The following FRMPD4 variants were observed in gnomAD, a reference collection of about 807,000 sequenced individuals.
The protein encoded by FRMPD4 is FERM and PDZ domain-containing protein 4.
Under a neutral mutation model 94.1 loss-of-function variants are expected in FRMPD4, and 22 were observed. That is an observed-to-expected ratio of 0.23 (90% CI 0.17 to 0.33). The LOEUF is 0.33. Among genes scored for constraint, FRMPD4 ranks in the 10% least tolerant of loss-of-function variants. The pLI, the probability that FRMPD4 is intolerant of heterozygous loss-of-function variation, is 1.00. For missense variants in FRMPD4, 1,111 were observed against 1,339.9 expected (o/e 0.83, Z 2.67); for synonymous variants, 631 against 548.6 (o/e 1.15, Z -2.10).
intron 1 of FRMPD4, among the ~76,000 whole-genome samples, chrX:12,211,488 A>G (rs1457585906): frequency 8.9e-6 from 1 of 112,150 alleles, no homozygotes. Context: ...TATCTTTGCA[A>G]AAATCCTAGT....
Position 12,720,817 on chromosome X carries a change from C to A in FRMPD4, c.4248C>A (p.Thr1416=), listed in dbSNP as rs2042224587. The A allele has an allele frequency of 3.1e-6, 3 of 956,975 alleles. No individual in the cohort carries two copies. Among genetic ancestry groups the A allele is most frequent in the African/African-American group, 4.0e-5 (2 of 49,951 alleles). 78.9% of individuals were successfully genotyped at this position (956,975 alleles called of 1,213,427 possible). Residue 1416 remains threonine, a synonymous_variant, in exon 17 of 17, where the codon ACC becomes ACA. Transcript: ENST00000675598. ...TCTCCGGATCTGTCGATTTGGAGACCTTCCGAGAGAGAACCAAGGGTGCAG... is the reference window on the plus strand; with the variant it reads ...TCTCCGGATCTGTCGATTTGGAGACATTCCGAGAGAGAACCAAGGGTGCAG... ...SILSGSVDLE[T]FRERTKGAVS... is the part of the protein sequence containing the mutation.
At chrX:12,146,191 G>A (rs1286984244) in intron 1 of FRMPD4, among the ~76,000 whole-genome samples, 4 of 109,960 alleles carry the variant, frequency 3.6e-5, no homozygotes, top group African/African-American at 6.6e-5. Flanking sequence ...GTCAAACCCC[G>A]TCTCTACTAA....
chrX:12,557,273 CTTG>C (rs1248663547), intron 2 of FRMPD4, among the ~76,000 whole-genome samples: 6 of 110,827 alleles, frequency 5.4e-5, no homozygotes, highest in Middle Eastern at 4.7e-3. Flanking sequence ...CAAAGGTGGT[CTTG>C]TTGTGTAGAT....
chrX:12,587,264 C>T (rs1252968622), intron 2 of FRMPD4, among the ~76,000 whole-genome samples: 2 of 111,879 alleles, frequency 1.8e-5, no homozygotes, highest in African/African-American at 3.2e-5. Flanking sequence ...CGTGAGCCAC[C>T]GCACCTGGCC....
At chrX:12,250,681 T>C (rs765295251) in intron 1 of FRMPD4, among the ~76,000 whole-genome samples, 1 of 112,197 alleles carries the variant, frequency 8.9e-6, no homozygotes, top group South Asian at 3.7e-4. Flanking sequence ...AATAAAAATT[T>C]CACTAAAGTA....
chrX:12,204,304 C>T (rs974354345), intron 1 of FRMPD4, among the ~76,000 whole-genome samples: 2 of 112,522 alleles, frequency 1.8e-5, no homozygotes, highest in African/African-American at 6.5e-5. Flanking sequence ...AGAAATTCTG[C>T]TCTTTTGCTA....
At chrX:12,641,425 A>C (rs1012768577) in intron 4 of FRMPD4, among the ~76,000 whole-genome samples, 2 of 111,707 alleles carry the variant, frequency 1.8e-5, no homozygotes, top group Non-Finnish European at 3.8e-5. Context: ...GTTTAGACTC[A>C]GTAGGCTGAG....
chrX:12,442,185 GGT>G (rs2057145431), intron 1 of FRMPD4, among the ~76,000 whole-genome samples: 3 of 11,284 alleles, frequency 2.7e-4, no homozygotes, highest in Non-Finnish European at 4.6e-4. Flanking sequence ...TAAAATATAT[GGT>G]TGGTTATATG....
rs58562572 is a variant in FRMPD4 at position 12,223,692 on chromosome X, G to A, written c.41+84680G>A. On this transcript the variant is annotated intron_variant, in intron 1 of 16. Transcript: ENST00000675598. Reference sequence around the variant, plus strand: ...TCACCAGCTGTGTATGTGAGTTCTAGTTTCTCCATATTCTTGAGAACATTT... The same window carrying A: ...TCACCAGCTGTGTATGTGAGTTCTAATTTCTCCATATTCTTGAGAACATTT... 9.7e-3 allele frequency among the ~76,000 whole-genome samples: 1,086 copies of A among 112,043 alleles called. 11 individuals carry two copies. Among genetic ancestry groups the A allele is most frequent in the African/African-American group, 0.032 (989 of 30,847 alleles).
At chrX:12,490,238 C>T (rs192113007) in intron 1 of FRMPD4, among the ~76,000 whole-genome samples, 42 of 110,591 alleles carry the variant, frequency 3.8e-4, no homozygotes, top group Admixed American at 2.9e-3. Flanking sequence ...ACCATTCCCA[C>T]GATAACAGCA....
intron 1 of FRMPD4, among the ~76,000 whole-genome samples, chrX:12,436,076 G>A (rs780161039): frequency 9.0e-6 from 1 of 111,161 alleles, no homozygotes; most frequent in African/African-American, 3.3e-5. Flanking sequence ...TGCAATCTGC[G>A]CTCACTGCAA....
chrX:12,525,590 G>C (rs2058214579), intron 2 of FRMPD4, among the ~76,000 whole-genome samples: 1 of 112,303 alleles, frequency 8.9e-6, no homozygotes. Flanking sequence ...GTCTTTTGTG[G>C]CCGTTTCTAC....
chrX:12,565,068 CAG>C lies in FRMPD4; in HGVS notation c.159-44645_159-44644del, dbSNP rs766167282. Among the ~76,000 whole-genome samples the C allele has an allele frequency of 3.7e-5, 3 of 80,648 alleles. No homozygotes were observed. The East Asian group carries it at 1.0e-3, about 28-fold the overall frequency. 70.0% of individuals were successfully genotyped at this position (80,648 alleles called of 115,157 possible). On this transcript the variant is annotated intron_variant, in intron 2 of 16. Coordinates refer to ENST00000675598, the MANE Select transcript of FRMPD4 (RefSeq NM_001368397.1). ...TGCCACTGCACTCCAGCCTGGGTGA[CAG>C]AGAGAGACTCAGTCTCAAAAAAAAA...
intron 3 of FRMPD4, among the ~76,000 whole-genome samples, chrX:11,981,700 T>G (rs1444389620): frequency 1.8e-5 from 2 of 111,880 alleles, no homozygotes; most frequent in East Asian, 5.5e-4. Flanking sequence ...TTTCATCATT[T>G]TATTATGCAT....
chrX:12,314,018 G>T (rs10126718), intron 1 of FRMPD4, among the ~76,000 whole-genome samples: 1,892 of 112,420 alleles, frequency 0.017, 42 homozygotes, highest in African/African-American at 0.058. Context: ...GTATCAGTAA[G>T]TGATGTTAAA....
At chrX:12,579,487 C>T (rs745494433) in intron 2 of FRMPD4, among the ~76,000 whole-genome samples, 1 of 112,035 alleles carries the variant, frequency 8.9e-6, no homozygotes, top group Admixed American at 9.5e-5. Flanking sequence ...GGTTTCTGAC[C>T]TTGTCTCTAA....
At chrX:12,508,286 T>C (rs914947247) in intron 2 of FRMPD4, among the ~76,000 whole-genome samples, 14 of 111,078 alleles carry the variant, frequency 1.3e-4, no homozygotes, top group African/African-American at 4.6e-4. Context: ...GTTCTTTTTT[T>C]TTTTTAAGCT....
chrX:12,707,382 A>G (rs1569065993), intron 12 of FRMPD4, 87 bp from the exon 13 acceptor site: 2 of 731,967 alleles, frequency 2.7e-6, no homozygotes, highest in South Asian at 5.4e-5. Context: ...AAGAAAATAT[A>G]ATCTTATAAA....
chrX:12,693,312 TCTTA>T (rs774915893), intron 8 of FRMPD4, among the ~76,000 whole-genome samples: 76 of 112,351 alleles, frequency 6.8e-4, no homozygotes, highest in Non-Finnish European at 1.2e-3. Flanking sequence ...TTGCCTTCTT[TCTTA>T]GAGTCCAATG....
Sources: gnomAD v4.1 joint callset for allele counts (sites outside exome capture counted in the v4.1 genomes callset) on GRCh38, gnomAD v4.1.1 for gene constraint, MANE v1.5 for transcripts, NCBI Gene and HGNC (gene_info 2026-07-23, HGNC 2026-07-21) for gene names.